GRIP2: variants seen among roughly 807,000 people sequenced by gnomAD.
GRIP2 encodes glutamate receptor-interacting protein 2.
In GRIP2, 58 loss-of-function variants were observed where a neutral mutation model predicts 108.3. That is an observed-to-expected ratio of 0.54 (90% CI 0.43 to 0.67). The LOEUF is 0.67. Ranked by LOEUF, GRIP2 falls within the 30% of genes least tolerant of loss-of-function variation. GRIP2 has a pLI of 0.00. For synonymous variants in GRIP2, 586 were observed against 598.2 expected, an observed-to-expected ratio of 0.98 and a Z score of 0.30; for missense variants, 1,278 against 1,430.6, an observed-to-expected ratio of 0.89 and a Z score of 1.72.
chr3:14,528,515 C>T (rs973464613), intron 1 of GRIP2, among the ~76,000 whole-genome samples: 3 of 152,180 alleles, frequency 2.0e-5, no homozygotes, highest in Admixed American at 1.3e-4. Context: ...GAGTTTCAAT[C>T]GCTGTGCATC....
the GRIP2 span, among the ~76,000 whole-genome samples, chr3:14,567,851 C>T: frequency 6.6e-6 from 1 of 152,292 alleles, no homozygotes; most frequent in African/African-American, 2.4e-5. Context: ...GAAATAAGTG[C>T]TTTGAAGAAA....
At chr3:14,517,517 T>TA (rs1694285872) in intron 10 of GRIP2, among the ~76,000 whole-genome samples, 1 of 101,110 alleles carries the variant, frequency 9.9e-6, no homozygotes, top group Non-Finnish European at 2.0e-5. Flanking sequence ...TTTTTTTTTT[T>TA]TTTAGTTGAG....
Position 14,525,527 on chromosome 3 carries a change from C to A in GRIP2, c.167G>T (p.Gly56Val), listed in dbSNP as rs368613718. ...ITVVELIKKE[G>V]STLGLTISGG... is the part of the protein sequence containing the mutation. ...TGAGATAGTCAGGCCCAGCGTGCTG[C>A]CTTCTTTCTTGATCAGCTCCACCAC... Residue 56 changes from glycine (G) to valine (V), a missense_variant, in exon 3 of 24, where the codon GGC becomes GTC. Coordinates refer to ENST00000621039, the MANE Select transcript of GRIP2 (RefSeq NM_001080423.4). 22 of 1,613,726 alleles carry A rather than the reference C, an allele frequency of 1.4e-5. No individual in the cohort carries two copies. The African/African-American group carries it at 2.8e-4, about 21-fold the overall frequency.
intron 1 of GRIP2, among the ~76,000 whole-genome samples, chr3:14,536,664 C>A (rs1575026657): frequency 6.6e-6 from 1 of 152,190 alleles, no homozygotes; most frequent in Non-Finnish European, 1.5e-5. Context: ...CATGGGAGAG[C>A]GGGGGCGCAG....
chr3:14,524,017 G>C (rs1694484125), intron 4 of GRIP2: 1 of 477,924 alleles, frequency 2.1e-6, no homozygotes, highest in Non-Finnish European at 3.8e-6. Context: ...CAAGACTTTA[G>C]ACCAGCTTTG....
At chr3:14,601,296 A>G in the GRIP2 span, among the ~76,000 whole-genome samples, 1 of 152,130 alleles carries the variant, frequency 6.6e-6, no homozygotes, top group Non-Finnish European at 1.5e-5. Flanking sequence ...GGCTTGTCCA[A>G]GATCACAGGG....
chr3:14,559,335 C>G (rs1419833702), upstream of GRIP2, among the ~76,000 whole-genome samples: 2 of 151,808 alleles, frequency 1.3e-5, no homozygotes, highest in African/African-American at 4.8e-5. Context: ...GTCAAGTGGA[C>G]CAAGGGCCAA....
At chr3:14,574,105 T>C in the GRIP2 span, 166,973 of 1,128,400 alleles carry the variant, frequency 0.15, 13,539 homozygotes, top group African/African-American at 0.23. Context: ...ATCGAGTCCA[T>C]CGTTTCATGC....
chr3:14,534,857 A>G (rs1412334848), intron 1 of GRIP2, among the ~76,000 whole-genome samples: 1 of 152,122 alleles, frequency 6.6e-6, no homozygotes, highest in Non-Finnish European at 1.5e-5. Flanking sequence ...GAGCTTTGAC[A>G]AAGGGAAAAG....
the GRIP2 span, among the ~76,000 whole-genome samples, chr3:14,562,599 CT>C: frequency 6.6e-6 from 1 of 152,206 alleles, no homozygotes; most frequent in Non-Finnish European, 1.5e-5. Context: ...GAAAGGCATC[CT>C]TCAGAGAAGA....
chr3:14,565,737 T>C, the GRIP2 span, among the ~76,000 whole-genome samples: 26,325 of 152,186 alleles, frequency 0.17, 2,457 homozygotes, highest in Middle Eastern at 0.29. Context: ...CAGGGAGCTA[T>C]GTCCCAGCAT....
intron 11 of GRIP2, among the ~76,000 whole-genome samples, chr3:14,515,567 T>C (rs1313954229): frequency 2.0e-5 from 3 of 151,962 alleles, no homozygotes; most frequent in Non-Finnish European, 4.4e-5. Context: ...ATTATTAAAT[T>C]ATATTGTATA....
chr3:14,541,541 C>T (rs952606014), upstream of GRIP2, among the ~76,000 whole-genome samples: 2 of 152,214 alleles, frequency 1.3e-5, no homozygotes, highest in Admixed American at 1.3e-4. Flanking sequence ...ATTCCTGGGC[C>T]GCCCCACACT....
At chr3:14,574,046 C>T in the GRIP2 span, 1 of 1,502,006 alleles carries the variant, frequency 6.7e-7, no homozygotes, top group Non-Finnish European at 9.2e-7. Flanking sequence ...TCCAGAAGTT[C>T]TCCTGCTGCA....
In GRIP2 at chr3:14,513,757, G is replaced by A; in HGVS notation, c.1547C>T (p.Thr516Ile). The change falls in exon 13 of 24, where the codon ACC becomes ATC. Residue 516 changes from threonine (T) to isoleucine (I), a missense_variant. Coordinates refer to ENST00000621039, the MANE Select transcript of GRIP2 (RefSeq NM_001080423.4). ...DRVLSINGIATEDGTMEEANQ... is the reference protein window; with the variant it reads ...DRVLSINGIAIEDGTMEEANQ... ...GGCTTCCTCCATAGTCCCGTCCTCG[G>A]TGGCAATGCCATTGATGGACAGGAC... The A allele has an allele frequency of 1.2e-6, 2 of 1,612,290 alleles. No individual in the cohort carries two copies. Among genetic ancestry groups the A allele is most frequent in the Non-Finnish European group, 1.7e-6 (2 of 1,179,302 alleles).
At chr3:14,551,785 G>A (rs186277714) in intron 1 of GRIP2, among the ~76,000 whole-genome samples, 70 of 152,272 alleles carry the variant, frequency 4.6e-4, no homozygotes, top group African/African-American at 1.6e-3. Flanking sequence ...GAAGTCAGGC[G>A]GCCTGGGTAG....
At chr3:14,566,473 T>C in the GRIP2 span, among the ~76,000 whole-genome samples, 3 of 152,222 alleles carry the variant, frequency 2.0e-5, no homozygotes, top group African/African-American at 7.2e-5. Flanking sequence ...CACCACGCTG[T>C]GGTCTGGCCA....
intron 16 of GRIP2, among the ~76,000 whole-genome samples, chr3:14,510,371 C>T (rs1173588970): frequency 6.7e-6 from 1 of 149,452 alleles, no homozygotes; most frequent in Non-Finnish European, 1.5e-5. Context: ...TTCAAGTGAT[C>T]CTCCCACCTC....
chr3:14,533,730 G>A (rs532846408), intron 1 of GRIP2, among the ~76,000 whole-genome samples: 10 of 152,128 alleles, frequency 6.6e-5, no homozygotes, highest in South Asian at 2.1e-4. Flanking sequence ...GTGCACTACC[G>A]GGTGCTAAAG....
Sources: allele counts gnomAD v4.1 joint callset (sites outside exome capture counted in the v4.1 genomes callset), GRCh38; gene constraint gnomAD v4.1.1; transcripts MANE v1.5; gene names NCBI Gene and HGNC (gene_info 2026-07-23, HGNC 2026-07-21).